CORO2B: variants seen among roughly 807,000 people sequenced by gnomAD.
CORO2B encodes coronin 2B.
CORO2B carries 26 observed loss-of-function variants against 58.8 expected under a neutral mutation model. The observed-to-expected ratio is 0.44, with a 90% confidence interval of 0.32 to 0.61. The LOEUF is 0.61. Ranked by LOEUF, CORO2B falls within the 20% of genes least tolerant of loss-of-function variation. The pLI is 0.04. For synonymous variants in CORO2B, 242 were observed against 253.8 expected, an observed-to-expected ratio of 0.95 and a Z score of 0.44; for missense variants, 460 against 645.1, an observed-to-expected ratio of 0.71 and a Z score of 3.11.
intron 2 of CORO2B, among the ~76,000 whole-genome samples, chr15:68,659,705 G>A (rs1314943590): frequency 7.2e-5 from 11 of 152,270 alleles, no homozygotes; most frequent in African/African-American, 2.4e-4. Flanking sequence ...AGGCCGAGGC[G>A]GACAGATCAC....
At chr15:68,531,423 G>C in the CORO2B span, among the ~76,000 whole-genome samples, 1 of 151,910 alleles carries the variant, frequency 6.6e-6, no homozygotes, top group African/African-American at 2.4e-5. Context: ...CTTGAACCCA[G>C]GAGATGGAAG....
In CORO2B at chr15:68,718,753, C is replaced by T. The variant is rs1057294540; in HGVS notation, c.1023C>T (p.Tyr341=). The change falls in exon 9 of 12, where the codon TAC becomes TAT. Residue 341 remains tyrosine, a synonymous_variant. Transcript: ENST00000261861. ...CAGCCTGCGAGGTGTTCCGCTTCTA[C>T]AAGCTGGTGACTCTCAAGGGCCTGA... ...DVSACEVFRF[Y]KLVTLKGLIE... is the part of the protein sequence containing the mutation. 5 of 1,614,082 alleles carry T rather than the reference C, an allele frequency of 3.1e-6. No individual in the cohort carries two copies. The highest frequency in any genetic ancestry group is 1.3e-5 in the African/African-American group (1 of 74,936).
Position 68,709,472 on chromosome 15 carries a change from T to G in CORO2B, c.334-1260T>G, listed in dbSNP as rs1307138198. On this transcript the variant is annotated intron_variant, in intron 3 of 11. Coordinates refer to ENST00000261861, the MANE Select transcript of CORO2B (RefSeq NM_006091.5). ...TTTTTTTTTCGTGTTTTTTTTTTTT[T>G]TTTTTTTTAGACAGAGTCTTGCTGT... is the stretch of plus-strand genomic sequence containing the variant. Among the ~76,000 whole-genome samples the G allele has an allele frequency of 2.0e-5, 3 of 149,702 alleles. No homozygotes were observed. In the East Asian group the frequency reaches 5.8e-4, roughly 29 times the overall value.
chr15:68,687,008 A>G (rs8024675), intron 2 of CORO2B, among the ~76,000 whole-genome samples: 99,501 of 152,148 alleles, frequency 0.65, 33,635 homozygotes, highest in East Asian at 0.86. Flanking sequence ...TCTTCTTCAC[A>G]GTTGTTCTGG....
the CORO2B span, among the ~76,000 whole-genome samples, chr15:68,566,175 T>A: frequency 6.6e-6 from 1 of 152,196 alleles, no homozygotes; most frequent in Non-Finnish European, 1.5e-5. Flanking sequence ...CCTCATAACA[T>A]GGTAGGGTCC....
intron 8 of CORO2B, among the ~76,000 whole-genome samples, chr15:68,717,457 A>G (rs565029028): frequency 1.3e-5 from 2 of 152,314 alleles, no homozygotes; most frequent in African/African-American, 4.8e-5. Context: ...GACGGGGAGA[A>G]CAGTGTGAAT....
At chr15:68,590,387 C>A (rs764385943) in intron 1 of CORO2B, among the ~76,000 whole-genome samples, 2 of 152,180 alleles carry the variant, frequency 1.3e-5, no homozygotes, top group Non-Finnish European at 2.9e-5. Flanking sequence ...CACTTCTGTT[C>A]TCTCAGGTAC....
At chr15:68,540,165 C>T in the CORO2B span, among the ~76,000 whole-genome samples, 31 of 152,242 alleles carry the variant, frequency 2.0e-4, no homozygotes, top group South Asian at 6.2e-3. Context: ...TGGATTTTTG[C>T]CTGTGCATGA....
chr15:68,657,817 T>C (rs1481220555), intron 2 of CORO2B, among the ~76,000 whole-genome samples: 1 of 152,092 alleles, frequency 6.6e-6, no homozygotes, highest in South Asian at 2.1e-4. Flanking sequence ...CTAGTGAAAA[T>C]ATAGATGTAA....
chr15:68,715,981 C>A (rs563153689), intron 8 of CORO2B, among the ~76,000 whole-genome samples: 2 of 152,210 alleles, frequency 1.3e-5, no homozygotes. Flanking sequence ...CCCACCTCTG[C>A]GGGTGATCCT....
At position 68,645,149 on chromosome 15, in the gene CORO2B, G is replaced by A. The variant is rs1229215726; in HGVS notation, c.16-11G>A. The stretch of plus-strand genomic sequence containing the variant: ...CCCAGCCTGACCCTTGTCTCTCCTG[G>A]CCCCTCACAGATGTCCTGGCGTCCG... On this transcript the variant is annotated splice_polypyrimidine_tract_variant and intron_variant, in intron 1 of 11. Transcript: ENST00000261861. This position sits in a 1 kb window ranked among gnomAD's most constrained non-coding sequence, Gnocchi z 4.5. 1 of 1,613,292 alleles carries A rather than the reference G, an allele frequency of 6.2e-7. No homozygotes were observed. Among genetic ancestry groups the A allele is most frequent in the South Asian group, 1.1e-5 (1 of 90,848 alleles).
At chr15:68,628,799 C>G (rs1900750664) in intron 1 of CORO2B, among the ~76,000 whole-genome samples, 1 of 152,168 alleles carries the variant, frequency 6.6e-6, no homozygotes, top group Admixed American at 6.6e-5. Flanking sequence ...ATGGACTCAC[C>G]CAGCCTCTCC....
intron 2 of CORO2B, among the ~76,000 whole-genome samples, chr15:68,666,792 T>C (rs981667601): frequency 6.6e-6 from 1 of 152,186 alleles, no homozygotes; most frequent in African/African-American, 2.4e-5. Context: ...TCTACACTAT[T>C]GCAATCACTG....
the CORO2B span, among the ~76,000 whole-genome samples, chr15:68,547,684 C>A: frequency 5.3e-5 from 8 of 152,094 alleles, no homozygotes; most frequent in African/African-American, 1.9e-4. Flanking sequence ...CAGATAAAGT[C>A]CTCTATCTCC....
In CORO2B at chr15:68,579,204, C is replaced by CCGCCGTCGCCGCCCCCGCA; in HGVS notation, c.-54_-53insTCGCCGCCCCCGCACGCCG. The CCGCCGTCGCCGCCCCCGCA allele has an allele frequency of 1.0e-6, 1 of 989,602 alleles. No individual in the cohort carries two copies. Among genetic ancestry groups the CCGCCGTCGCCGCCCCCGCA allele is most frequent in the East Asian group, 1.0e-4 (1 of 9,736 alleles). 61.3% of individuals were successfully genotyped at this position (989,602 alleles called of 1,614,324 possible). On this transcript the variant is annotated 5_prime_UTR_variant, in exon 1 of 12. Transcript: ENST00000261861. Reference sequence around the variant, plus strand: ...GACCCCCTTCCGCCGCCGCCCCGGGCCGCCGCCGCCGCCCCCGCACGCCGC... The same window carrying CCGCCGTCGCCGCCCCCGCA: ...GACCCCCTTCCGCCGCCGCCCCGGGCCGCCGTCGCCGCCCCCGCACGCCGCCGCCGCCCCCGCACGCCGC...
chr15:68,676,353 G>A lies in CORO2B; in HGVS notation c.217-18787G>A, dbSNP rs143375996. On this transcript the variant is annotated intron_variant, in intron 2 of 11. Coordinates refer to ENST00000261861, the MANE Select transcript of CORO2B (RefSeq NM_006091.5). ...ACCCTCCAGAGGATTCTGAATTGAA[G>A]CAGGACTTCTGCCTCCTGGCCCACC... 3.9e-4 allele frequency among the ~76,000 whole-genome samples: 59 copies of A among 152,326 alleles called. No individual in the cohort carries two copies. In the East Asian group the frequency reaches 8.7e-3, roughly 22 times the overall value.
At chr15:68,541,683 G>T in the CORO2B span, among the ~76,000 whole-genome samples, 1 of 152,158 alleles carries the variant, frequency 6.6e-6, no homozygotes, top group Non-Finnish European at 1.5e-5. Context: ...TTTTCAGTCT[G>T]GCTGGAGAGC....
intron 11 of CORO2B, among the ~76,000 whole-genome samples, chr15:68,722,997 G>A (rs2140337154): frequency 6.6e-6 from 1 of 152,112 alleles, no homozygotes; most frequent in African/African-American, 2.4e-5. Flanking sequence ...AACCCAGGAG[G>A]CAGAGGTTGC....
intron 2 of CORO2B, among the ~76,000 whole-genome samples, chr15:68,650,703 T>C (rs1198356263): frequency 6.6e-6 from 1 of 152,242 alleles, no homozygotes; most frequent in Non-Finnish European, 1.5e-5. Flanking sequence ...ATTGGGACCA[T>C]GAGTGCTCTT....
Sources: gnomAD v4.1 joint callset for allele counts (sites outside exome capture counted in the v4.1 genomes callset) on GRCh38, gnomAD v4.1.1 for gene constraint, Gnocchi (gnomAD v3.1) non-coding constraint, MANE v1.5 for transcripts, NCBI Gene and HGNC (gene_info 2026-07-23, HGNC 2026-07-21) for gene names.